RGS7: variants seen among roughly 807,000 people sequenced by gnomAD.
The protein encoded by RGS7 is regulator of G protein signaling 7.
RGS7 carries 27 observed loss-of-function variants against 81.1 expected under a neutral mutation model. The observed-to-expected ratio is 0.33, with a 90% CI of 0.25 to 0.46. The LOEUF (loss-of-function observed/expected upper bound fraction) is 0.46. Ranked by LOEUF, RGS7 falls within the 20% of genes least tolerant of loss-of-function variation. The pLI, the probability that RGS7 is intolerant of heterozygous loss-of-function variation, is 1.00. For synonymous variants in RGS7, 208 were observed against 207.7 expected, an observed-to-expected ratio of 1.00 and a Z score of -0.01; for missense variants, 396 against 607.4, an observed-to-expected ratio of 0.65 and a Z score of 3.66.
intron 18 of RGS7, among the ~76,000 whole-genome samples, chr1:240,798,385 G>A (rs945676113): frequency 6.6e-6 from 1 of 152,022 alleles, no homozygotes; most frequent in Non-Finnish European, 1.5e-5. Flanking sequence ...TTCTAACCTT[G>A]GTTATAAAAA....
intron 3 of RGS7, among the ~76,000 whole-genome samples, chr1:241,024,958 C>A (rs1028230879): frequency 1.3e-5 from 2 of 152,132 alleles, no homozygotes; most frequent in Non-Finnish European, 2.9e-5. Context: ...TTGAGAGCTA[C>A]TAATTTTAGA....
intron 3 of RGS7, among the ~76,000 whole-genome samples, chr1:241,041,851 C>T (rs1335183425): frequency 2.0e-5 from 3 of 152,162 alleles, no homozygotes; most frequent in African/African-American, 7.2e-5. Flanking sequence ...CCTTTGAGAA[C>T]TAGGTTCCCT....
chr1:241,287,338 T>C (rs1001674521), intron 2 of RGS7, among the ~76,000 whole-genome samples: 1 of 152,220 alleles, frequency 6.6e-6, no homozygotes, highest in African/African-American at 2.4e-5. Context: ...GATTGAATCA[T>C]GGAGGCGGGT....
chr1:241,178,971 A>G (rs546354297), intron 2 of RGS7, among the ~76,000 whole-genome samples: 159 of 152,368 alleles, frequency 1.0e-3, no homozygotes, highest in East Asian at 1.3e-3. Flanking sequence ...CCCAGCCTAA[A>G]GACACATGCT....
intron 3 of RGS7, among the ~76,000 whole-genome samples, chr1:240,988,183 T>C (rs889173181): frequency 1.3e-5 from 2 of 150,788 alleles, no homozygotes; most frequent in African/African-American, 2.4e-5. Flanking sequence ...ATCTACTCTA[T>C]ACAGAAAAGA....
At chr1:241,056,576 C>T (rs2061490034) in intron 3 of RGS7, among the ~76,000 whole-genome samples, 1 of 152,164 alleles carries the variant, frequency 6.6e-6, no homozygotes, top group South Asian at 2.1e-4. Context: ...AAACTGAAGA[C>T]ATAATTCCCC....
Position 241,029,793 on chromosome 1 carries a change from C to T in RGS7, c.176-46664G>A, listed in dbSNP as rs770123875. On this transcript the variant is annotated intron_variant, in intron 3 of 18. Transcript: ENST00000440928. Reference sequence around the variant, plus strand: ...CAAATATACAATATAGAAATGGTTGCTTATGTGCATTAGATCTGATGTAAA... The same window carrying T: ...CAAATATACAATATAGAAATGGTTGTTTATGTGCATTAGATCTGATGTAAA... 7.9e-5 allele frequency among the ~76,000 whole-genome samples: 12 copies of T among 152,284 alleles called. No individual in the cohort carries two copies. In the South Asian group the frequency reaches 1.0e-3, roughly 13 times the overall value.
chr1:240,823,147 TTGGGG>T (rs1692109281), intron 10 of RGS7: 1 of 1,160,906 alleles, frequency 8.6e-7, no homozygotes, highest in Admixed American at 1.7e-5. Context: ...AATGGCCACA[TTGGGG>T]ATTTCCCCAT....
chr1:240,895,056 G>A (rs180811022), intron 6 of RGS7, among the ~76,000 whole-genome samples: 4 of 152,102 alleles, frequency 2.6e-5, no homozygotes, highest in African/African-American at 7.2e-5. Context: ...GTGAGTTCTC[G>A]TGAGATCTGG....
At chr1:240,925,594 G>A (rs1049275496) in intron 6 of RGS7, among the ~76,000 whole-genome samples, 1 of 152,114 alleles carries the variant, frequency 6.6e-6, no homozygotes, top group African/African-American at 2.4e-5. Flanking sequence ...ACACATAAGT[G>A]CACATGTCTT....
chr1:241,246,944 G>T (rs1367901917), intron 2 of RGS7, among the ~76,000 whole-genome samples: 2 of 151,946 alleles, frequency 1.3e-5, no homozygotes, highest in Non-Finnish European at 2.9e-5. Context: ...AGCAGCAAGG[G>T]AAGGAATTAG....
In RGS7 at chr1:240,936,720, AC is replaced by A; in HGVS notation, c.227-15del. 6.3e-7 allele frequency: 1 copy of A among 1,587,946 alleles called. No individual in the cohort carries two copies. The highest frequency in any genetic ancestry group is 1.1e-5 in the South Asian group (1 of 90,552). On this transcript the variant is annotated splice_polypyrimidine_tract_variant and intron_variant, in intron 4 of 18. Transcript: ENST00000440928. ...GGAGCGCCTCCACTGTTTTATGAAA[AC>A]AAACAAAGAACATAAAAAAGCCTTT...
intron 2 of RGS7, among the ~76,000 whole-genome samples, chr1:241,187,960 T>C (rs1403872125): frequency 2.0e-5 from 3 of 152,040 alleles, no homozygotes; most frequent in Admixed American, 2.0e-4. Context: ...AAGGGAGAGA[T>C]GAAGAGAGGA....
chr1:241,235,311 G>A (rs1368933321), intron 2 of RGS7, among the ~76,000 whole-genome samples: 3 of 152,238 alleles, frequency 2.0e-5, no homozygotes, highest in East Asian at 3.9e-4. Flanking sequence ...TTCCAACTTG[G>A]TACTCTCAGA....
intron 2 of RGS7, among the ~76,000 whole-genome samples, chr1:241,181,318 A>G (rs1444404151): frequency 6.6e-6 from 1 of 152,218 alleles, no homozygotes; most frequent in Non-Finnish European, 1.5e-5. Flanking sequence ...TACGGGGTAT[A>G]GGAGAAGTCT....
intron 2 of RGS7, among the ~76,000 whole-genome samples, chr1:241,138,177 CAAAAAAAA>C (rs57697166): frequency 4.3e-5 from 5 of 115,416 alleles, no homozygotes; most frequent in South Asian, 3.0e-4. Context: ...ATCTCAAAAA[CAAAAAAAA>C]AAAAAAAAAG....
intron 2 of RGS7, among the ~76,000 whole-genome samples, chr1:241,270,655 C>A (rs571372673): frequency 2.9e-4 from 44 of 152,138 alleles, no homozygotes; most frequent in African/African-American, 1.0e-3. Context: ...AGTAAGTTTT[C>A]TTTTCTCTCT....
intron 6 of RGS7, among the ~76,000 whole-genome samples, chr1:240,887,016 C>G (rs10926376): frequency 0.37 from 56,639 of 151,794 alleles, 10,892 homozygotes; most frequent in East Asian, 0.51. Flanking sequence ...AATAAAGATA[C>G]TTGGTGTGTC....
At chr1:241,071,165 G>A (rs974293052) in intron 3 of RGS7, among the ~76,000 whole-genome samples, 1 of 152,098 alleles carries the variant, frequency 6.6e-6, no homozygotes, top group African/African-American at 2.4e-5. Context: ...TGCCTTGCTG[G>A]GCAGGTGGTT....
Sources: allele counts gnomAD v4.1 joint callset (sites outside exome capture counted in the v4.1 genomes callset), GRCh38; gene constraint gnomAD v4.1.1; transcripts MANE v1.5; gene names NCBI Gene and HGNC (gene_info 2026-07-23, HGNC 2026-07-21).